The following GTPBP2 variants were observed in gnomAD, a reference collection of about 807,000 sequenced individuals.
The protein encoded by GTPBP2 is GTP-binding protein 2.
Under a neutral mutation model 63.0 loss-of-function variants are expected in GTPBP2, and 32 were observed. That is an observed-to-expected ratio of 0.51 (90% CI 0.38 to 0.68). The LOEUF (loss-of-function observed/expected upper bound fraction) is 0.68, where lower values mean the gene tolerates loss of function less well. Among genes scored for constraint, GTPBP2 ranks in the 30% least tolerant of loss-of-function variants. The pLI is 0.00. For synonymous variants in GTPBP2, 310 were observed against 322.6 expected (o/e 0.96, Z 0.42); for missense variants, 492 against 796.9 (o/e 0.62, Z 4.61).
chr6:43,627,763 G>T (rs2232212), intron 1 of GTPBP2, among the ~76,000 whole-genome samples: 6,984 of 152,210 alleles, frequency 0.046, 531 homozygotes, highest in African/African-American at 0.16. Flanking sequence ...GGATATTTTA[G>T]TTTTCCTCTT....
rs1162901639 is a variant in GTPBP2 at position 43,629,219 on chromosome 6, C to G, written c.-57G>C. ...CTCCCCCGACCGCCGCCGCCGTCGC[C>G]GCCGCCCTTACTGCCACTGCCGTGT... On this transcript the variant is annotated 5_prime_UTR_variant, in exon 1 of 12. Transcript: ENST00000307126. The G allele has an allele frequency of 5.7e-6, 7 of 1,226,698 alleles. No homozygotes were observed. Among genetic ancestry groups the G allele is most frequent in the Non-Finnish European group, 7.3e-6 (7 of 956,234 alleles). The allele number at this position is 1,226,698 out of a possible 1,614,324, so 76.0% of individuals were successfully genotyped here. A position where few individuals can be genotyped will look rare whatever the true frequency, so the allele number is the denominator to read the frequency against.
chr6:43,625,064 TGGCCCAG>T lies in GTPBP2; in HGVS notation c.706-9_706-3del. 6.2e-7 allele frequency: 1 copy of T among 1,613,160 alleles called. No homozygotes were observed. Among genetic ancestry groups the T allele is most frequent in the Non-Finnish European group, 8.5e-7 (1 of 1,179,842 alleles). The stretch of plus-strand genomic sequence containing the variant: ...CCGTGAGTCGCTGTAATTCACCACC[TGGCCCAG>T]GGCCCAGGGCCCTCAGTGCCTCCTG... On this transcript the variant is annotated splice_region_variant and splice_polypyrimidine_tract_variant and intron_variant, in intron 5 of 11. Coordinates refer to ENST00000307126, the MANE Select transcript of GTPBP2 (RefSeq NM_019096.5). This position sits in a 1 kb window ranked among gnomAD's most constrained non-coding sequence, Gnocchi z 5.1.
rs1289849289 is a variant in GTPBP2, at chr6:43,621,442, G to A, written c.*172C>T. The A allele has an allele frequency of 1.3e-6, 2 of 1,546,392 alleles. No individual in the cohort carries two copies. The highest frequency in any genetic ancestry group is 3.9e-5 in the Admixed American group (2 of 50,836). On this transcript the variant is annotated 3_prime_UTR_variant, in exon 12 of 12. Coordinates refer to ENST00000307126, the MANE Select transcript of GTPBP2 (RefSeq NM_019096.5). ...TTCTCCCTCAGGACTGCCCTTTCCT[G>A]GCCACACCAAGTTTGGCACCTCTCC...
chr6:43,631,324 G>A (rs113256043), upstream of GTPBP2, among the ~76,000 whole-genome samples: 5,001 of 152,200 alleles, frequency 0.033, 270 homozygotes, highest in African/African-American at 0.11. Context: ...CAGAGACTAG[G>A]GAACTCAGTG....
rs1330854044 is a variant in GTPBP2, at chr6:43,626,207, T to A, written c.398+19A>T. On this transcript the variant is annotated intron_variant, in intron 3 of 11. Transcript: ENST00000307126. This position sits in a 1 kb window ranked among gnomAD's most constrained non-coding sequence, Gnocchi z 4.0. ...CCCAAGTCAGGTAAAGGAGAACTGG[T>A]GGGGAAGGGGAAGCATACTTCTCTG... is the stretch of plus-strand genomic sequence containing the variant. 6.2e-7 allele frequency: 1 copy of A among 1,608,900 alleles called. No individual in the cohort carries two copies. Among genetic ancestry groups the A allele is most frequent in the Non-Finnish European group, 8.5e-7 (1 of 1,176,158 alleles).
chr6:43,626,178 TC>T lies in GTPBP2; in HGVS notation c.398+47del, dbSNP rs766732687. On this transcript the variant is annotated intron_variant, in intron 3 of 11. Coordinates refer to ENST00000307126, the MANE Select transcript of GTPBP2 (RefSeq NM_019096.5). The surrounding 1 kb of genome is among the most constrained non-coding windows in gnomAD (Gnocchi z 4.0). ...CCCTAGGTAACTGGGTATGCATGGG[TC>T]CCCCCAAGTCAGGTAAAGGAGAACT... 1.9e-6 allele frequency: 3 copies of T among 1,553,864 alleles called. No individual in the cohort carries two copies. The highest frequency in any genetic ancestry group is 1.7e-5 in the Admixed American group (1 of 59,022).
intron 1 of GTPBP2, chr6:43,628,501 TG>T: frequency 4.5e-6 from 4 of 888,832 alleles, no homozygotes; most frequent in Non-Finnish European, 4.0e-6. Context: ...TGTGTGTGTG[TG>T]TGTAGTGAAC....
chr6:43,627,050 A>G, intron 1 of GTPBP2, 102 bp from the exon 2 acceptor site: 1 of 1,073,434 alleles, frequency 9.3e-7, no homozygotes, highest in Non-Finnish European at 1.4e-6. Flanking sequence ...GAAAGCAGGA[A>G]GCCCCACTGG....
At chr6:43,631,189 G>A (rs115017406), upstream of GTPBP2, among the ~76,000 whole-genome samples, 11 of 152,246 alleles carry the variant, frequency 7.2e-5, no homozygotes, top group Non-Finnish European at 1.3e-4. Flanking sequence ...CCAATTATGT[G>A]GGTCTTCAGT....
At chr6:43,631,131 T>A (rs1490456296), upstream of GTPBP2, among the ~76,000 whole-genome samples, 2 of 152,040 alleles carry the variant, frequency 1.3e-5, no homozygotes, top group African/African-American at 4.8e-5. Context: ...CCCAAAGCAG[T>A]GAGAGCAGAG....
Position 43,626,360 on chromosome 6 carries a change from T to G in GTPBP2, c.264A>C (p.Gln88His). 1 of 1,614,200 alleles carries G rather than the reference T, an allele frequency of 6.2e-7. No individual in the cohort carries two copies. Among genetic ancestry groups the G allele is most frequent in the Non-Finnish European group, 8.5e-7 (1 of 1,180,018 alleles). Reference protein sequence around the residue: ...SQYRFEHLVTQMKWRLQEGRG... With the variant: ...SQYRFEHLVTHMKWRLQEGRG... ...GTCCCTCCTGGAGCCGCCACTTCAT[T>G]TGTGTCACCAGGTGCTCAAAGCGGT... is the stretch of plus-strand genomic sequence containing the variant. Residue 88 changes from glutamine (Q) to histidine (H), a missense_variant, in exon 3 of 12, where the codon CAA (glutamine) becomes CAC (histidine). Gln to His is a conservative substitution (Grantham distance 24, BLOSUM62 0). Transcript: ENST00000307126. This position sits in a 1 kb window ranked among gnomAD's most constrained non-coding sequence, Gnocchi z 4.0.
Position 43,622,076 on chromosome 6 carries a change from C to T in GTPBP2, c.1559G>A (p.Arg520Gln), listed in dbSNP as rs759324152. The change falls in exon 11 of 12, where the codon CGA becomes CAA. Residue 520 changes from arginine (R) to glutamine (Q), a missense_variant. Transcript: ENST00000307126. The surrounding 1 kb of genome is among the most constrained non-coding windows in gnomAD (Gnocchi z 5.4). ...GTGTACTGTCACCTGGAATCCTCGT[C>T]GGAAGGTGGTGGCATGGAACAGTAA... Reference protein sequence around the residue: ...IVLLFHATTFRRGFQVTVHVG... With the variant: ...IVLLFHATTFQRGFQVTVHVG... 6 of 1,613,988 alleles carry T rather than the reference C, an allele frequency of 3.7e-6. No individual in the cohort carries two copies. The highest frequency in any genetic ancestry group is 2.2e-5 in the South Asian group (2 of 91,092).
chr6:43,628,331 ACTCCAGC>A (rs1291383375), intron 1 of GTPBP2, among the ~76,000 whole-genome samples: 8 of 152,134 alleles, frequency 5.3e-5, no homozygotes, highest in Non-Finnish European at 7.4e-5. Context: ...GCCCTACAGC[ACTCCAGC>A]CTGGGTAACA....
intron 9 of GTPBP2, chr6:43,623,504 A>G: frequency 1.8e-6 from 1 of 570,484 alleles, no homozygotes; most frequent in Non-Finnish European, 3.1e-6. Context: ...CAAGACCCAC[A>G]CTTCTCTCTC....
chr6:43,629,379 A>G (rs1769745471), upstream of GTPBP2, among the ~76,000 whole-genome samples: 1 of 152,182 alleles, frequency 6.6e-6, no homozygotes. Flanking sequence ...ATTCACTTAA[A>G]TGACACGTCG....
rs866818489 is a variant in GTPBP2 at position 43,628,715 on chromosome 6, C to T, written c.186+262G>A. 13 of 715,304 alleles carry T rather than the reference C, an allele frequency of 1.8e-5. No individual in the cohort carries two copies. In the Middle Eastern group the frequency reaches 2.6e-3, roughly 144 times the overall value. The allele number at this position is 715,304 out of a possible 1,614,324, so 44.3% of individuals were successfully genotyped here. On this transcript the variant is annotated intron_variant, in intron 1 of 11. Coordinates refer to ENST00000307126, the MANE Select transcript of GTPBP2 (RefSeq NM_019096.5). ...CTCTTCCTGGGATCCCCTTTCTCTA[C>T]TTCTCTCCTGGGGTAATCTAGATCA...
intron 9 of GTPBP2, 30 bp downstream of exon 9, chr6:43,623,707 G>C: frequency 6.4e-7 from 1 of 1,551,654 alleles, no homozygotes; most frequent in African/African-American, 1.4e-5. Context: ...TGAGGGCTGA[G>C]TGGGGAGGGT....
Position 43,624,240 on chromosome 6 carries a change from CA to C in GTPBP2, c.1101-173del, listed in dbSNP as rs1438377695. Reference sequence around the variant, plus strand: ...TGTGAGCCAGTCGAGCAATGTCACACAAAAAGCCCATCCGAGCCCAAGGGAA... The same window carrying C: ...TGTGAGCCAGTCGAGCAATGTCACACAAAAGCCCATCCGAGCCCAAGGGAA... On this transcript the variant is annotated intron_variant, in intron 7 of 11. Transcript: ENST00000307126. The surrounding 1 kb of genome is among the most constrained non-coding windows in gnomAD (Gnocchi z 5.1). Among the ~76,000 whole-genome samples, 2 of 151,378 alleles carry C rather than the reference CA, an allele frequency of 1.3e-5. No homozygotes were observed. The highest frequency in any genetic ancestry group is 2.9e-5 in the Non-Finnish European group (2 of 68,040).
chr6:43,623,430 C>T (rs1257282190), intron 9 of GTPBP2: 6 of 399,728 alleles, frequency 1.5e-5, no homozygotes, highest in Non-Finnish European at 2.3e-5. Flanking sequence ...TCTTAAGTGA[C>T]GTCTCTCATT....
Sources: allele counts gnomAD v4.1 joint callset (sites outside exome capture counted in the v4.1 genomes callset), GRCh38; gene constraint gnomAD v4.1.1; non-coding constraint Gnocchi (gnomAD v3.1); transcripts MANE v1.5; gene names NCBI Gene and HGNC (gene_info 2026-07-23, HGNC 2026-07-21).